Variants in PECR observed in about 807,000 individuals in gnomAD.
The protein encoded by PECR is peroxisomal trans-2-enoyl-CoA reductase.
In PECR, 30 loss-of-function variants were observed where a neutral mutation model predicts 35.3. The observed-to-expected ratio is 0.85, with a 90% confidence interval of 0.64 to 1.15. The LOEUF (loss-of-function observed/expected upper bound fraction) is 1.15, where lower values mean the gene tolerates loss of function less well. Ranked by LOEUF, PECR falls within the 50% of genes most tolerant of loss-of-function variation. The probability of loss-of-function intolerance (pLI) is 0.00; values close to 1 mark genes in which losing one functional copy is unlikely to be tolerated. For synonymous variants in PECR, 148 were observed against 138.9 expected (o/e 1.07, Z -0.46); for missense variants, 392 against 370.8 (o/e 1.06, Z -0.47).
At chr2:216,072,583 C>G (rs894082446) in intron 1 of PECR, among the ~76,000 whole-genome samples, 2 of 152,078 alleles carry the variant, frequency 1.3e-5, no homozygotes, top group Non-Finnish European at 2.9e-5. Flanking sequence ...TCCATGTGTA[C>G]CCACTCTTTA....
chr2:216,042,199 G>A (rs924521044), intron 7 of PECR, among the ~76,000 whole-genome samples: 1 of 152,174 alleles, frequency 6.6e-6, no homozygotes, highest in African/African-American at 2.4e-5. Flanking sequence ...ATGAGAGGAC[G>A]CCCAGCTGGG....
rs576877838 is a variant in PECR at position 216,047,623 on chromosome 2, G to T, written c.714+1640C>A. Among the ~76,000 whole-genome samples, 3 of 152,276 alleles carry T rather than the reference G, an allele frequency of 2.0e-5. No individual in the cohort carries two copies. In the East Asian group the frequency reaches 5.8e-4, roughly 29 times the overall value. On this transcript the variant is annotated intron_variant, in intron 6 of 7. Coordinates refer to ENST00000265322, the MANE Select transcript of PECR (RefSeq NM_018441.6). ...TTAATATGTTTCATTACCAGCACCAGATGCTGTAAATAAATACAGCTTCAT... is the reference window on the plus strand; with the variant it reads ...TTAATATGTTTCATTACCAGCACCATATGCTGTAAATAAATACAGCTTCAT...
chr2:216,055,778 C>T (rs1471183022), intron 4 of PECR, among the ~76,000 whole-genome samples: 1 of 152,150 alleles, frequency 6.6e-6, no homozygotes, highest in African/African-American at 2.4e-5. Flanking sequence ...ACTCCTCTCC[C>T]TGGTAGTTAA....
chr2:216,081,784 G>T lies in PECR; in HGVS notation c.-43C>A, dbSNP rs370783570. 6 of 1,605,666 alleles carry T rather than the reference G, an allele frequency of 3.7e-6. No homozygotes were observed. Among genetic ancestry groups the T allele is most frequent in the East Asian group, 2.2e-5 (1 of 44,774 alleles). ...AGAGCAGCTGAGCGCAGGCCCTTCT[G>T]GGTCTCAGGGACATTCGAGGCGGGC... On this transcript the variant is annotated 5_prime_UTR_variant, in exon 1 of 8. Coordinates refer to ENST00000265322, the MANE Select transcript of PECR (RefSeq NM_018441.6).
At chr2:216,039,680 AATAAAT>A (rs1262532169) in intron 7 of PECR, among the ~76,000 whole-genome samples, 1 of 152,222 alleles carries the variant, frequency 6.6e-6, no homozygotes, top group African/African-American at 2.4e-5. Flanking sequence ...GTGGATCGTC[AATAAAT>A]AGTGTCTCCT....
rs58227842 is a variant in PECR, at chr2:216,047,842, T to C, written c.714+1421A>G. ...AGGGAAACCTGACTTTTTAATAAAA[T>C]TGGTTCTCCCCATCAAGGAATATTA... is the stretch of plus-strand genomic sequence containing the variant. On this transcript the variant is annotated intron_variant, in intron 6 of 7. Transcript: ENST00000265322. Among the ~76,000 whole-genome samples, 1,312 of 152,236 alleles carry C rather than the reference T, an allele frequency of 8.6e-3. 26 individuals carry two copies. Among genetic ancestry groups the C allele is most frequent in the African/African-American group, 0.03 (1,237 of 41,544 alleles).
intron 6 of PECR, among the ~76,000 whole-genome samples, chr2:216,045,601 A>G (rs1030234430): frequency 4.6e-5 from 7 of 152,260 alleles, no homozygotes; most frequent in Non-Finnish European, 5.9e-5. Flanking sequence ...GACTATTAGT[A>G]TATTTCTACT....
chr2:216,050,035 T>C (rs915320341), intron 5 of PECR, among the ~76,000 whole-genome samples: 1 of 151,830 alleles, frequency 6.6e-6, no homozygotes, highest in Non-Finnish European at 1.5e-5. Flanking sequence ...CTGGGCAAAA[T>C]AGGGAGACTA....
chr2:216,063,434 A>G (rs993017838), intron 3 of PECR, among the ~76,000 whole-genome samples: 1 of 152,106 alleles, frequency 6.6e-6, no homozygotes, highest in Admixed American at 6.5e-5. Flanking sequence ...CCTGGCCAAC[A>G]TGGTGAAACC....
downstream of PECR, among the ~76,000 whole-genome samples, chr2:216,035,408 C>A (rs987881861): frequency 6.6e-6 from 1 of 152,044 alleles, no homozygotes; most frequent in Non-Finnish European, 1.5e-5. Context: ...ACAGTGACTT[C>A]TCTGCCCTCC....
intron 4 of PECR, among the ~76,000 whole-genome samples, chr2:216,057,286 T>C (rs1359717102): frequency 6.6e-6 from 1 of 152,188 alleles, no homozygotes; most frequent in Non-Finnish European, 1.5e-5. Flanking sequence ...ACAACCCAAA[T>C]GCTCACCAAC....
At chr2:216,068,644 G>C (rs567487038) in intron 1 of PECR, among the ~76,000 whole-genome samples, 1 of 151,842 alleles carries the variant, frequency 6.6e-6, no homozygotes, top group Non-Finnish European at 1.5e-5. Flanking sequence ...AAAATGGTTC[G>C]TGTGTTTGTT....
chr2:216,056,557 C>A (rs1375117610), intron 4 of PECR, among the ~76,000 whole-genome samples: 1 of 151,612 alleles, frequency 6.6e-6, no homozygotes, highest in Admixed American at 6.6e-5. Context: ...CCCGTCTCTA[C>A]TAAAAATACA....
intron 7 of PECR, among the ~76,000 whole-genome samples, chr2:216,031,576 A>G (rs1694700764): frequency 6.9e-6 from 1 of 145,082 alleles, no homozygotes; most frequent in Non-Finnish European, 1.5e-5. Context: ...GGAAGGAAGG[A>G]AAGAAAGAAG....
rs1321582877 is a variant in PECR, at chr2:216,066,645, A to C, written c.125-127T>G. On this transcript the variant is annotated intron_variant, in intron 1 of 7. Coordinates refer to ENST00000265322, the MANE Select transcript of PECR (RefSeq NM_018441.6). ...CTTCATGAGTTGTCCAAATTCCAAC[A>C]ATAATAATATTGAAAAAATATATCA... is the stretch of plus-strand genomic sequence containing the variant. The C allele has an allele frequency of 3.7e-6, 3 of 820,024 alleles. No individual in the cohort carries two copies. In the East Asian group the frequency reaches 7.5e-5, roughly 20 times the overall value. The allele number at this position is 820,024 out of a possible 1,614,324, so 50.8% of individuals were successfully genotyped here. A position where few individuals can be genotyped will look rare whatever the true frequency, so the allele number is the denominator to read the frequency against.
At chr2:216,030,403 C>G (rs1694661884) in intron 7 of PECR, among the ~76,000 whole-genome samples, 1 of 152,140 alleles carries the variant, frequency 6.6e-6, no homozygotes. Context: ...CCAGTTTCCT[C>G]AACTGTAAAA....
chr2:216,029,559 T>A (rs144119282), intron 7 of PECR, among the ~76,000 whole-genome samples: 2 of 152,352 alleles, frequency 1.3e-5, no homozygotes, highest in African/African-American at 4.8e-5. Context: ...CACCTCCCCC[T>A]GCCTCCAGGC....
intron 1 of PECR, among the ~76,000 whole-genome samples, chr2:216,069,028 G>T (rs1177764748): frequency 6.6e-6 from 1 of 152,072 alleles, no homozygotes; most frequent in Non-Finnish European, 1.5e-5. Flanking sequence ...TGGCTAAGAA[G>T]GGGAAATGGA....
chr2:216,060,170 A>G (rs1020586842), intron 3 of PECR, among the ~76,000 whole-genome samples: 6 of 152,236 alleles, frequency 3.9e-5, no homozygotes, highest in Non-Finnish European at 7.3e-5. Flanking sequence ...TATGAAAAAT[A>G]TATGAAAACA....
Sources: allele counts gnomAD v4.1 joint callset (sites outside exome capture counted in the v4.1 genomes callset), GRCh38; gene constraint gnomAD v4.1.1; transcripts MANE v1.5; gene names NCBI Gene and HGNC (gene_info 2026-07-23, HGNC 2026-07-21).